AP1G1: variants seen among roughly 807,000 people sequenced by gnomAD.
The protein encoded by AP1G1 is adaptor related protein complex 1 subunit gamma 1.
A neutral mutation model predicts 108.3 loss-of-function variants in AP1G1; 7 were observed. That is an observed-to-expected ratio of 0.06 (90% confidence interval 0.04 to 0.12). AP1G1 has a LOEUF of 0.12. Among genes scored for constraint, AP1G1 ranks in the 10% least tolerant of loss-of-function variants. The probability of loss-of-function intolerance (pLI) is 1.00; values close to 1 mark genes in which losing one functional copy is unlikely to be tolerated. For synonymous variants in AP1G1, 379 were observed against 353.5 expected (o/e 1.07, Z -0.81); for missense variants, 756 against 1,010.7 (o/e 0.75, Z 3.42).
intron 21 of AP1G1, among the ~76,000 whole-genome samples, chr16:71,736,097 T>C (rs2045532082): frequency 1.4e-4 from 1 of 7,014 alleles, no homozygotes; most frequent in African/African-American, 1.1e-3. Context: ...AGACTCCATC[T>C]CAAAAAAAAA....
intron 3 of AP1G1, among the ~76,000 whole-genome samples, chr16:71,774,067 G>GAA (rs1182717329): frequency 9.9e-5 from 8 of 81,028 alleles, no homozygotes; most frequent in Admixed American, 1.2e-4. Context: ...GTCTCAAAAA[G>GAA]AAAAAAAAAA....
chr16:71,808,072 A>G, intron 1 of AP1G1: 1 of 1,179,920 alleles, frequency 8.5e-7, no homozygotes, highest in South Asian at 1.6e-5. Context: ...AAACACAATC[A>G]ACCGAACCGT....
In AP1G1 at chr16:71,744,379, G is replaced by C. The variant is rs543172737; in HGVS notation, c.1999+765C>G. ...TTATGTTTGAATATTATGAGTGATT[G>C]CCCTTCAGTTGCTTTAATTACAGAA... On this transcript the variant is annotated intron_variant, in intron 19 of 22. Coordinates refer to ENST00000299980, the MANE Select transcript of AP1G1 (RefSeq NM_001128.6). Among the ~76,000 whole-genome samples, 20 of 152,276 alleles carry C rather than the reference G, an allele frequency of 1.3e-4. No homozygotes were observed. The South Asian group carries it at 3.5e-3, about 27-fold the overall frequency.
At chr16:71,796,332 C>T (rs944965771) in intron 1 of AP1G1, among the ~76,000 whole-genome samples, 1 of 152,284 alleles carries the variant, frequency 6.6e-6, no homozygotes, top group South Asian at 2.1e-4. Context: ...ATTCTTTGAT[C>T]AGGTTTCACC....
At chr16:71,787,059 T>G (rs1211673617) in intron 2 of AP1G1, among the ~76,000 whole-genome samples, 1 of 151,690 alleles carries the variant, frequency 6.6e-6, no homozygotes. Flanking sequence ...AGTGGCTCAC[T>G]TCTGTAATCC....
intron 2 of AP1G1, chr16:71,777,621 C>T: frequency 2.3e-6 from 1 of 434,728 alleles, no homozygotes; most frequent in East Asian, 7.7e-5. Flanking sequence ...ATGCCCCATT[C>T]TGTCTTCTAC....
At chr16:71,764,130 T>C (rs1320654550) in intron 9 of AP1G1, among the ~76,000 whole-genome samples, 4 of 152,212 alleles carry the variant, frequency 2.6e-5, no homozygotes, top group Non-Finnish European at 5.9e-5. Context: ...ATATCTACTA[T>C]ATTGCTACAC....
chr16:71,746,059 G>A (rs2030159468), intron 17 of AP1G1, among the ~76,000 whole-genome samples: 1 of 152,060 alleles, frequency 6.6e-6, no homozygotes, highest in Non-Finnish European at 1.5e-5. Context: ...CGCCAGGCTG[G>A]AGTGCAGTGG....
At chr16:71,739,441 A>G in intron 19 of AP1G1, 100 bp from the exon 20 acceptor site, 1 of 926,590 alleles carries the variant, frequency 1.1e-6, no homozygotes. Flanking sequence ...TTAAGGAAAG[A>G]TTCCTTAAAC....
At chr16:71,735,903 G>A (rs1168588521) in intron 21 of AP1G1, among the ~76,000 whole-genome samples, 2 of 150,672 alleles carry the variant, frequency 1.3e-5, no homozygotes, top group Non-Finnish European at 3.0e-5. Flanking sequence ...GGCCAAGGCG[G>A]GCAGATCACC....
chr16:71,736,116 AAATAT>A (rs1461392619), intron 21 of AP1G1, among the ~76,000 whole-genome samples: 6 of 65,626 alleles, frequency 9.1e-5, no homozygotes, highest in Non-Finnish European at 1.2e-4. Flanking sequence ...AAAAAAAAAA[AAATAT>A]ATATATATAT....
intron 10 of AP1G1, among the ~76,000 whole-genome samples, chr16:71,759,198 C>T (rs974994858): frequency 1.3e-5 from 2 of 152,216 alleles, no homozygotes; most frequent in African/African-American, 4.8e-5. Context: ...GTGGCTCACA[C>T]CTGTAATCCC....
intron 12 of AP1G1, among the ~76,000 whole-genome samples, chr16:71,754,113 C>G (rs760558312): frequency 4.0e-5 from 6 of 151,848 alleles, no homozygotes; most frequent in Non-Finnish European, 7.4e-5. Context: ...GTGGTGGGTG[C>G]CTGTAGTTCA....
intron 1 of AP1G1, chr16:71,808,496 G>A (rs890460538): frequency 7.9e-7 from 1 of 1,268,856 alleles, no homozygotes; most frequent in South Asian, 1.3e-5. Context: ...GGTTCAAGGA[G>A]GCCCGTACCG....
chr16:71,759,475 T>C (rs1219039159), intron 10 of AP1G1, among the ~76,000 whole-genome samples: 3 of 142,948 alleles, frequency 2.1e-5, no homozygotes, highest in Non-Finnish European at 4.6e-5. Context: ...AAAAATAAAA[T>C]TGGGACTGGG....
intron 6 of AP1G1, among the ~76,000 whole-genome samples, chr16:71,769,290 AAAAAC>A (rs1038942839): frequency 6.6e-6 from 1 of 152,138 alleles, no homozygotes; most frequent in African/African-American, 2.4e-5. Context: ...TCTCAAAAAA[AAAAAC>A]AACACACACA....
At chr16:71,737,296 T>A (rs1428837965) in intron 21 of AP1G1, among the ~76,000 whole-genome samples, 1 of 152,126 alleles carries the variant, frequency 6.6e-6, no homozygotes, top group African/African-American at 2.4e-5. Context: ...TTTTTCTTCT[T>A]TTTTTTGGAC....
chr16:71,755,589 G>C (rs2030740195), intron 12 of AP1G1, among the ~76,000 whole-genome samples: 1 of 152,078 alleles, frequency 6.6e-6, no homozygotes, highest in Non-Finnish European at 1.5e-5. Flanking sequence ...TATAATTGAG[G>C]GTTTGAAATA....
At chr16:71,757,433 A>G (rs1374138835) in intron 11 of AP1G1, among the ~76,000 whole-genome samples, 1 of 151,366 alleles carries the variant, frequency 6.6e-6, no homozygotes, top group Non-Finnish European at 1.5e-5. Context: ...CCTGAGCGAC[A>G]CAAGACTCCG....
Sources: allele counts gnomAD v4.1 joint callset (sites outside exome capture counted in the v4.1 genomes callset), GRCh38; gene constraint gnomAD v4.1.1; transcripts MANE v1.5; gene names NCBI Gene and HGNC (gene_info 2026-07-23, HGNC 2026-07-21).